The following CUBN variants were observed in gnomAD, a reference collection of about 807,000 sequenced individuals.
The protein encoded by CUBN is cubilin.
CUBN carries 282 observed loss-of-function variants against 405.3 expected under a neutral mutation model. The observed-to-expected ratio is 0.70, with a 90% CI of 0.63 to 0.77. CUBN has a LOEUF of 0.77. Among genes scored for constraint, CUBN ranks in the 30% least tolerant of loss-of-function variants. The probability of loss-of-function intolerance (pLI) is 0.00; values close to 1 mark genes in which losing one functional copy is unlikely to be tolerated. For missense variants in CUBN, 4,514 were observed against 4,475.2 expected (o/e 1.01, Z -0.25); for synonymous variants, 1,684 against 1,617.0 (o/e 1.04, Z -0.99).
intron 28 of CUBN, among the ~76,000 whole-genome samples, chr10:17,010,655 AATAT>A (rs1348130261): frequency 1.3e-4 from 20 of 152,148 alleles, no homozygotes; most frequent in Non-Finnish European, 2.5e-4. Context: ...TAAATAAATA[AATAT>A]ATAAATATCT....
In CUBN at chr10:16,835,190, T is replaced by G. The variant is rs1264042649; in HGVS notation, c.10186A>C (p.Asn3396His). Residue 3396 changes from asparagine (N) to histidine (H), a missense_variant, in exon 64 of 67, where the codon AAC (asparagine) becomes CAC (histidine). Asn to His is a moderately conservative substitution (Grantham distance 68). This residue lies in a region of CUBN where 1,186 missense variants were observed against 1,186.9 expected (regional missense o/e 1.00). Transcript: ENST00000377833. ...CCAAATGCCTTGTGATAGTCTCTGT[T>G]GCAATCTTAGAGGAAAAATAGGCAT... ...MSFTYQIADCNRDYHKAFGNL... is the reference protein window; with the variant it reads ...MSFTYQIADCHRDYHKAFGNL... 27 of 1,613,550 alleles carry G rather than the reference T, an allele frequency of 1.7e-5. No individual in the cohort carries two copies. Among genetic ancestry groups the G allele is most frequent in the Non-Finnish European group, 2.2e-5 (26 of 1,179,438 alleles).
At chr10:17,060,477 G>A (rs113880351) in intron 22 of CUBN, among the ~76,000 whole-genome samples, 1 of 152,132 alleles carries the variant, frequency 6.6e-6, no homozygotes, top group African/African-American at 2.4e-5. Context: ...GACAAGTAGG[G>A]AACTCAGAAT....
intron 56 of CUBN, among the ~76,000 whole-genome samples, chr10:16,880,439 T>C (rs1840636014): frequency 1.3e-5 from 2 of 152,166 alleles, no homozygotes; most frequent in Non-Finnish European, 2.9e-5. Context: ...TCCTGACACA[T>C]TAAGGAAGCC....
At chr10:16,896,626 G>C (rs774726882) in intron 54 of CUBN, among the ~76,000 whole-genome samples, 1 of 152,168 alleles carries the variant, frequency 6.6e-6, no homozygotes, top group Non-Finnish European at 1.5e-5. Context: ...GTTTAATTAA[G>C]ATATGTCTGA....
At chr10:16,903,430 A>G (rs1841456101) in intron 51 of CUBN, among the ~76,000 whole-genome samples, 1 of 152,066 alleles carries the variant, frequency 6.6e-6, no homozygotes, top group Admixed American at 6.6e-5. Flanking sequence ...TAGCAAAAGG[A>G]TGCAAGAAAA....
intron 54 of CUBN, among the ~76,000 whole-genome samples, chr10:16,891,978 C>G (rs902466285): frequency 2.0e-5 from 3 of 152,138 alleles, no homozygotes; most frequent in South Asian, 2.1e-4. Context: ...CTTGACTATT[C>G]AACATTTTCT....
intron 36 of CUBN, among the ~76,000 whole-genome samples, chr10:16,946,177 A>T (rs1158973390): frequency 6.6e-6 from 1 of 152,224 alleles, no homozygotes; most frequent in Non-Finnish European, 1.5e-5. Context: ...TCAAAACGGC[A>T]ATTTAAATTC....
In CUBN at chr10:17,032,750, C is replaced by T. The variant is rs1182514279; in HGVS notation, c.4017+8283G>A. 3.3e-5 allele frequency among the ~76,000 whole-genome samples: 5 copies of T among 152,198 alleles called. No individual in the cohort carries two copies. The East Asian group carries it at 9.6e-4, about 29-fold the overall frequency. On this transcript the variant is annotated intron_variant, in intron 27 of 66. Transcript: ENST00000377833. ...AATATCTCTAGAATAATGTTTTCCT[C>T]AGAATGTTCTATGGAATACAAATGT...
intron 60 of CUBN, 116 bp downstream of exon 60, chr10:16,851,119 A>G: frequency 1.3e-6 from 1 of 799,512 alleles, no homozygotes; most frequent in Non-Finnish European, 2.1e-6. Flanking sequence ...TCATTTTAAA[A>G]AGCAGTAGCA....
At chr10:16,852,017 A>AAT (rs1839714696) in intron 59 of CUBN, among the ~76,000 whole-genome samples, 1 of 21,430 alleles carries the variant, frequency 4.7e-5, no homozygotes, top group African/African-American at 2.1e-4. Flanking sequence ...TGCCTCCCTC[A>AAT]CTCTATCTTT....
At chr10:16,881,565 T>C (rs1317933586) in intron 56 of CUBN, among the ~76,000 whole-genome samples, 1 of 152,222 alleles carries the variant, frequency 6.6e-6, no homozygotes, top group Non-Finnish European at 1.5e-5. Flanking sequence ...ATCAACTAAC[T>C]AAACAAATTA....
At chr10:16,967,864 A>AGAGACAGGGAGAGAGAGAGAAGGG in intron 31 of CUBN, among the ~76,000 whole-genome samples, 1 of 150,128 alleles carries the variant, frequency 6.7e-6, no homozygotes, top group Non-Finnish European at 1.5e-5. Flanking sequence ...AGAGAGAAGG[A>AGAGACAGGGAGAGAGAGAGAAGGG]GAGACAGGGA....
intron 10 of CUBN, among the ~76,000 whole-genome samples, chr10:17,109,277 C>T (rs1025297525): frequency 6.6e-6 from 1 of 152,146 alleles, no homozygotes; most frequent in Non-Finnish European, 1.5e-5. Flanking sequence ...ATAGAGTGTA[C>T]TTCCCAAACT....
At chr10:17,087,998 G>A (rs1373320094) in intron 15 of CUBN, among the ~76,000 whole-genome samples, 166 bp downstream of exon 15, 1 of 151,676 alleles carries the variant, frequency 6.6e-6, no homozygotes, top group African/African-American at 2.4e-5. Flanking sequence ...CAACAAACAG[G>A]CACAGTTAAA....
At chr10:16,925,906 G>C (rs185657136) in intron 41 of CUBN, 132 bp from the exon 42 acceptor site, 12 of 775,410 alleles carry the variant, frequency 1.5e-5, no homozygotes, top group African/African-American at 1.4e-4. Context: ...CAGAGTGCAG[G>C]AAATGATTAT....
At chr10:16,919,476 T>C (rs1841974777) in intron 44 of CUBN, among the ~76,000 whole-genome samples, 1 of 152,264 alleles carries the variant, frequency 6.6e-6, no homozygotes. Context: ...TAAGACTTAC[T>C]GTTTTGTAAT....
intron 41 of CUBN, among the ~76,000 whole-genome samples, chr10:16,926,585 G>A (rs1842194649): frequency 6.6e-6 from 1 of 152,052 alleles, no homozygotes; most frequent in Non-Finnish European, 1.5e-5. Flanking sequence ...ATGGAGAGGC[G>A]TGGTTGGAAT....
chr10:16,863,568 T>A (rs929174882), intron 59 of CUBN, among the ~76,000 whole-genome samples: 1 of 144,692 alleles, frequency 6.9e-6, no homozygotes, highest in Non-Finnish European at 1.5e-5. Context: ...TATACATATA[T>A]TTTTTATGCC....
intron 14 of CUBN, among the ~76,000 whole-genome samples, chr10:17,093,313 C>T (rs1313152810): frequency 6.6e-6 from 1 of 152,180 alleles, no homozygotes; most frequent in South Asian, 2.1e-4. Context: ...AGGGAAGTTG[C>T]TAAGAATTGA....
Sources: allele counts gnomAD v4.1 joint callset (sites outside exome capture counted in the v4.1 genomes callset), GRCh38; gene constraint gnomAD v4.1.1; regional missense constraint gnomAD v4.1.1; transcripts MANE v1.5; gene names NCBI Gene and HGNC (gene_info 2026-07-23, HGNC 2026-07-21).